Variants in MKKS observed in about 807,000 individuals in gnomAD.
The protein encoded by MKKS is molecular chaperone MKKS.
MKKS carries 29 observed loss-of-function variants against 33.2 expected under a neutral mutation model. The observed-to-expected ratio is 0.87, with a 90% CI of 0.65 to 1.19. The LOEUF is 1.19. MKKS is among the 50% of genes most tolerant of loss of function. The pLI is 0.00. For missense variants in MKKS, 661 were observed against 662.3 expected, an observed-to-expected ratio of 1.00 and a Z score of 0.02; for synonymous variants, 260 against 244.0, an observed-to-expected ratio of 1.07 and a Z score of -0.61.
intron 2 of MKKS, among the ~76,000 whole-genome samples, chr20:10,419,975 C>G (rs2064967855): frequency 1.3e-5 from 2 of 152,134 alleles, no homozygotes; most frequent in Non-Finnish European, 2.9e-5. Context: ...CAGTTAAGAT[C>G]AAGTTTTGCT....
intron 3 of MKKS, among the ~76,000 whole-genome samples, chr20:10,410,279 G>A (rs6133910): frequency 1.3e-5 from 2 of 152,184 alleles, no homozygotes; most frequent in East Asian, 1.9e-4. Flanking sequence ...CCTCACATGA[G>A]AGGCAAGTGG....
chr20:10,408,210 C>T (rs1282214040), intron 4 of MKKS, among the ~76,000 whole-genome samples: 1 of 152,052 alleles, frequency 6.6e-6, no homozygotes, highest in African/African-American at 2.4e-5. Flanking sequence ...GTGACCAATC[C>T]CATAGATTAT....
At position 10,405,581 on chromosome 20, in the gene MKKS, G is replaced by T. The variant is rs1347297253; in HGVS notation, c.1379C>A (p.Ser460Tyr). Residue 460 changes from serine to tyrosine, a missense_variant, in exon 6 of 6, where the codon TCT becomes TAT. By Grantham distance (144) the Ser-to-Tyr change is moderately radical. Coordinates refer to ENST00000347364, the MANE Select transcript of MKKS (RefSeq NM_170784.3). ...AATTTCACCTCCATCATGTTCTAAAGAGCCAACAACAGATTCTAGGGCACT... is the reference window on the plus strand; with the variant it reads ...AATTTCACCTCCATCATGTTCTAAATAGCCAACAACAGATTCTAGGGCACT... ...FCSALESVVG[S>Y]LEHDGGEILT... The T allele has an allele frequency of 6.2e-7, 1 of 1,614,150 alleles. No individual in the cohort carries two copies. Among genetic ancestry groups the T allele is most frequent in the South Asian group, 1.1e-5 (1 of 91,084 alleles).
In MKKS at chr20:10,427,037, C is replaced by CACAG. The variant is rs1416662898; in HGVS notation, c.-648-6280_-648-6279insCTGT. 3.4e-3 allele frequency among the ~76,000 whole-genome samples: 228 copies of CACAG among 68,012 alleles called. 2 individuals carry two copies. Among genetic ancestry groups the CACAG allele is most frequent in the Non-Finnish European group, 4.3e-3 (85 of 19,640 alleles). 44.6% of individuals were successfully genotyped at this position (68,012 alleles called of 152,430 possible). The stretch of plus-strand genomic sequence containing the variant: ...CAAGAAAAGAAAACACTGACACACA[C>CACAG]ACACACACACACACACACACACACA... On this transcript the variant is annotated intron_variant, in intron 1 of 5. Transcript: ENST00000347364.
intron 1 of MKKS, among the ~76,000 whole-genome samples, chr20:10,430,289 C>G (rs1359801234): frequency 1.3e-5 from 2 of 152,158 alleles, no homozygotes; most frequent in Non-Finnish European, 2.9e-5. Flanking sequence ...TCTTCACTTA[C>G]CACTTTACAA....
At chr20:10,418,286 G>A (rs1447077022) in intron 2 of MKKS, among the ~76,000 whole-genome samples, 4 of 152,140 alleles carry the variant, frequency 2.6e-5, no homozygotes, top group African/African-American at 9.7e-5. Flanking sequence ...TGGTTGTGGC[G>A]AAATGCCCTT....
intron 1 of MKKS, among the ~76,000 whole-genome samples, chr20:10,431,110 A>G (rs1021891767): frequency 6.6e-6 from 1 of 152,210 alleles, no homozygotes; most frequent in Admixed American, 6.5e-5. Flanking sequence ...AGTGCTCAAT[A>G]CACGGCAGCC....
rs1219643390 is a variant in MKKS, at chr20:10,429,612, T to G, written c.-649+4496A>C. ...TTCGTTAACAAAAAGCATCATCTAC[T>G]AAGCCATTCAATTCAGAAATCTGGA... On this transcript the variant is annotated intron_variant, in intron 1 of 5. Transcript: ENST00000347364. 2.6e-5 allele frequency among the ~76,000 whole-genome samples: 4 copies of G among 152,210 alleles called. No homozygotes were observed. In the East Asian group the frequency reaches 7.7e-4, roughly 29 times the overall value.
chr20:10,412,353 T>C (rs1374029941), intron 3 of MKKS, among the ~76,000 whole-genome samples, 177 bp downstream of exon 3: 1 of 152,164 alleles, frequency 6.6e-6, no homozygotes, highest in Non-Finnish European at 1.5e-5. Flanking sequence ...AATCACTGCA[T>C]TTTTAGTATG....
chr20:10,425,842 CCTTT>C (rs1473166937), intron 1 of MKKS, among the ~76,000 whole-genome samples: 3 of 152,198 alleles, frequency 2.0e-5, no homozygotes, highest in East Asian at 1.9e-4. Flanking sequence ...TTGCCACTGC[CCTTT>C]CTTTCTTTCC....
chr20:10,415,004 A>G (rs1456507498), intron 2 of MKKS, among the ~76,000 whole-genome samples: 2 of 152,218 alleles, frequency 1.3e-5, no homozygotes, highest in Non-Finnish European at 2.9e-5. Context: ...CTGAGTTGCA[A>G]TTCAATTTCA....
Position 10,405,678 on chromosome 20 carries a change from C to T in MKKS, c.1282G>A (p.Asp428Asn), listed in dbSNP as rs779416496. 114 of 1,613,068 alleles carry T rather than the reference C, an allele frequency of 7.1e-5. No homozygotes were observed. Among genetic ancestry groups the T allele is most frequent in the Non-Finnish European group, 9.0e-5 (106 of 1,179,280 alleles). The change falls in exon 6 of 6, where the codon GAC (aspartate) becomes AAC (asparagine). Residue 428 changes from aspartate (D) to asparagine (N), a missense_variant. By Grantham distance (23) the Asp-to-Asn change is conservative. Transcript: ENST00000347364. The part of the protein sequence containing the change: ...AAYIRHKTHN[D>N]PESILKDDEC... ...TCATCTTTGAGAATGCTTTCTGGGT[C>T]GTTGTGAGTCTAAAGAGTAATAAAA...
chr20:10,414,742 A>G (rs1477223563), intron 2 of MKKS, among the ~76,000 whole-genome samples: 1 of 152,184 alleles, frequency 6.6e-6, no homozygotes, highest in Non-Finnish European at 1.5e-5. Context: ...TGGCATGTCT[A>G]CTGCAGGAAC....
intron 2 of MKKS, among the ~76,000 whole-genome samples, chr20:10,420,279 C>T (rs2064970332): frequency 6.6e-6 from 1 of 151,964 alleles, no homozygotes; most frequent in Non-Finnish European, 1.5e-5. Flanking sequence ...CATTCATGAT[C>T]CTGGTGATGC....
At position 10,405,234 on chromosome 20, in the gene MKKS, A is replaced by C; in HGVS notation, c.*13T>G. 6.3e-7 allele frequency: 1 copy of C among 1,594,232 alleles called. No homozygotes were observed. Among genetic ancestry groups the C allele is most frequent in the Non-Finnish European group, 8.6e-7 (1 of 1,166,948 alleles). ...TTTATTTGTTTCTCTTGTAATACGA[A>C]CATGCTATTCTCTTAGTTTTTATCT... On this transcript the variant is annotated 3_prime_UTR_variant, in exon 6 of 6. Transcript: ENST00000347364.
chr20:10,414,776 A>G (rs933327683), intron 2 of MKKS, among the ~76,000 whole-genome samples: 5 of 152,212 alleles, frequency 3.3e-5, no homozygotes, highest in African/African-American at 1.2e-4. Context: ...GTCTATATTT[A>G]GCTGAATAAT....
In MKKS at chr20:10,405,438, G is replaced by A; in HGVS notation, c.1522C>T (p.Leu508Phe). ...GTGCTTCTTAAGAAAGACCAGTTGA[G>A]TTCTTCCTGGCTATTGTATAATCCA... ...GCGLYNSQEE[L>F]NWSFLRSTRR... Residue 508 changes from leucine to phenylalanine, a missense_variant, in exon 6 of 6, where the codon CTC (leucine) becomes TTC (phenylalanine). Coordinates refer to ENST00000347364, the MANE Select transcript of MKKS (RefSeq NM_170784.3). 6.2e-7 allele frequency: 1 copy of A among 1,614,192 alleles called. No individual in the cohort carries two copies. The highest frequency in any genetic ancestry group is 8.5e-7 in the Non-Finnish European group (1 of 1,180,034).
At chr20:10,428,506 T>A (rs1003596773) in intron 1 of MKKS, among the ~76,000 whole-genome samples, 1 of 152,226 alleles carries the variant, frequency 6.6e-6, no homozygotes, top group Non-Finnish European at 1.5e-5. Flanking sequence ...TGAACACCTC[T>A]AACTTGTTGT....
At chr20:10,425,802 A>AT (rs111239346) in intron 1 of MKKS, among the ~76,000 whole-genome samples, 24,440 of 152,042 alleles carry the variant, frequency 0.16, 2,347 homozygotes, top group African/African-American at 0.25. Flanking sequence ...GAGAAATGAG[A>AT]TTTTTTCCCT....
Sources: gnomAD v4.1 joint callset for allele counts (sites outside exome capture counted in the v4.1 genomes callset) on GRCh38, gnomAD v4.1.1 for gene constraint, MANE v1.5 for transcripts, NCBI Gene and HGNC (gene_info 2026-07-23, HGNC 2026-07-21) for gene names.